PRRC2B: variants seen among roughly 807,000 people sequenced by gnomAD.
PRRC2B encodes proline rich coiled-coil 2B, also known as protein PRRC2B.
Under a neutral mutation model 242.3 loss-of-function variants are expected in PRRC2B, and 68 were observed. The ratio of observed to expected loss-of-function variants is 0.28; its 90% CI spans 0.23 to 0.34. The LOEUF (loss-of-function observed/expected upper bound fraction) is 0.34. Among genes scored for constraint, PRRC2B ranks in the 10% least tolerant of loss-of-function variants. PRRC2B has a pLI of 1.00. For missense variants in PRRC2B, 2,835 were observed against 2,954.8 expected, an observed-to-expected ratio of 0.96 and a Z score of 0.94; for synonymous variants, 1,228 against 1,173.6, an observed-to-expected ratio of 1.05 and a Z score of -0.95.
chr9:131,478,637 G>A lies in PRRC2B; in HGVS notation c.4758+18G>A. ...CCGTGCAGGTGAGGGGCGGAGGGTGGGGGGGCATGGGGCTGGAGGGCAGGC... is the reference window on the plus strand; with the variant it reads ...CCGTGCAGGTGAGGGGCGGAGGGTGAGGGGGCATGGGGCTGGAGGGCAGGC... On this transcript the variant is annotated intron_variant, in intron 18 of 31. Coordinates refer to ENST00000683519, the MANE Select transcript of PRRC2B (RefSeq NM_013318.4). 3 of 1,435,232 alleles carry A rather than the reference G, an allele frequency of 2.1e-6. No individual in the cohort carries two copies. Among genetic ancestry groups the A allele is most frequent in the Non-Finnish European group, 2.9e-6 (3 of 1,034,428 alleles). The allele number at this position is 1,435,232 out of a possible 1,614,324, so 88.9% of individuals were successfully genotyped here. A position where few individuals can be genotyped will look rare whatever the true frequency, so the allele number is the denominator to read the frequency against.
chr9:131,431,808 G>A (rs761283945), intron 2 of PRRC2B, among the ~76,000 whole-genome samples: 2 of 147,840 alleles, frequency 1.4e-5, no homozygotes, highest in East Asian at 2.0e-4. Context: ...GGATGGTCTC[G>A]ATCTCCTGAC....
intron 28 of PRRC2B, among the ~76,000 whole-genome samples, chr9:131,488,509 G>A (rs1406426002): frequency 6.6e-6 from 1 of 152,086 alleles, no homozygotes; most frequent in Non-Finnish European, 1.5e-5. Context: ...TGATCTGCCC[G>A]CCTTGGCCTC....
chr9:131,396,325 C>CTTTT (rs1165485887), intron 1 of PRRC2B, among the ~76,000 whole-genome samples: 31 of 132,958 alleles, frequency 2.3e-4, no homozygotes, highest in East Asian at 6.3e-4. Context: ...CTTTTCTTTT[C>CTTTT]TTTTTTTTTT....
chr9:131,408,295 T>C (rs575085300), intron 1 of PRRC2B, among the ~76,000 whole-genome samples: 1 of 152,330 alleles, frequency 6.6e-6, no homozygotes, highest in South Asian at 2.1e-4. Context: ...TTTGCAGAGA[T>C]GCCAGGTTGT....
In PRRC2B at chr9:131,497,241, G is replaced by A. The variant is rs754345662; in HGVS notation, c.*1367G>A. On this transcript the variant is annotated 3_prime_UTR_variant, in exon 32 of 32. Coordinates refer to ENST00000683519, the MANE Select transcript of PRRC2B (RefSeq NM_013318.4). ...TGAGGCTGGGTGGAGGGCTGACCAA[G>A]GTCCAAAGGGCCTGCGCAGCCTCCG... is the stretch of plus-strand genomic sequence containing the variant. 1 of 152,318 alleles carries A rather than the reference G, an allele frequency of 6.6e-6. No homozygotes were observed. The highest frequency in any genetic ancestry group is 1.5e-5 in the Non-Finnish European group (1 of 68,110). The allele number at this position is 152,318 out of a possible 1,614,324, so 9.4% of individuals were successfully genotyped here.
intron 3 of PRRC2B, among the ~76,000 whole-genome samples, chr9:131,435,408 A>G (rs1243112929): frequency 6.6e-6 from 1 of 152,164 alleles, no homozygotes; most frequent in Non-Finnish European, 1.5e-5. Flanking sequence ...TGAGGTCAGG[A>G]GTTCAAGACT....
intron 1 of PRRC2B, among the ~76,000 whole-genome samples, chr9:131,427,128 G>A (rs1837997817): frequency 1.3e-5 from 2 of 152,154 alleles, no homozygotes; most frequent in African/African-American, 4.8e-5. Flanking sequence ...TTCTTGATAC[G>A]AATTGCATGC....
At chr9:131,376,992 G>A (rs1348913991) in intron 1 of PRRC2B, among the ~76,000 whole-genome samples, 1 of 152,140 alleles carries the variant, frequency 6.6e-6, no homozygotes, top group Non-Finnish European at 1.5e-5. Flanking sequence ...GGGTGACACA[G>A]CAAGACCCGG....
At chr9:131,486,289 C>A in intron 26 of PRRC2B, 107 bp downstream of exon 26, 1 of 903,474 alleles carries the variant, frequency 1.1e-6, no homozygotes, top group South Asian at 1.6e-5. Context: ...GGTTTTCCAT[C>A]CCCCTCACAT....
chr9:131,488,666 T>C (rs1052204637), intron 28 of PRRC2B, among the ~76,000 whole-genome samples: 1 of 152,138 alleles, frequency 6.6e-6, no homozygotes, highest in Admixed American at 6.5e-5. Flanking sequence ...CCTTGTGCAG[T>C]AGGGTGTGGA....
In PRRC2B at chr9:131,447,812, G is replaced by A; in HGVS notation, c.1120+8G>A. 2 of 1,609,574 alleles carry A rather than the reference G, an allele frequency of 1.2e-6. No individual in the cohort carries two copies. The highest frequency in any genetic ancestry group is 2.2e-5 in the South Asian group (2 of 90,832). On this transcript the variant is annotated splice_region_variant and intron_variant, in intron 9 of 31. Transcript: ENST00000683519. ...CCGATGATGGCTGGGCAGGTGGGCA[G>A]AGAAGCACGGGTGGTTTAGACGGGC...
At chr9:131,495,269 G>T (rs1275325202) in intron 31 of PRRC2B, among the ~76,000 whole-genome samples, 2 of 152,138 alleles carry the variant, frequency 1.3e-5, no homozygotes, top group Admixed American at 1.3e-4. Context: ...TGGTGGGGGG[G>T]TTGGCTGAAT....
At chr9:131,436,833 C>G (rs761354341) in intron 4 of PRRC2B, 111 bp downstream of exon 4, 1 of 827,418 alleles carries the variant, frequency 1.2e-6, no homozygotes. Flanking sequence ...TGTGCATGAC[C>G]TGTCTATTCC....
intron 22 of PRRC2B, 145 bp from the exon 23 acceptor site, chr9:131,483,214 G>T: frequency 1.3e-6 from 1 of 795,292 alleles, no homozygotes; most frequent in Non-Finnish European, 2.1e-6. Context: ...GGAAAATCTG[G>T]CCATCTCGCT....
In PRRC2B at chr9:131,498,804, G is replaced by C. The variant is rs945263713; in HGVS notation, c.*2930G>C. On this transcript the variant is annotated 3_prime_UTR_variant, in exon 32 of 32. Transcript: ENST00000683519. Reference sequence around the variant, plus strand: ...CTCTGCCTTGGTCACTGGGGATGCGGCTCGTTGCTCAGCCACCAGTGGCCT... The same window carrying C: ...CTCTGCCTTGGTCACTGGGGATGCGCCTCGTTGCTCAGCCACCAGTGGCCT... 6.6e-6 allele frequency: 1 copy of C among 152,162 alleles called. No homozygotes were observed. The highest frequency in any genetic ancestry group is 2.4e-5 in the African/African-American group (1 of 41,442). The allele number at this position is 152,162 out of a possible 1,614,324, so 9.4% of individuals were successfully genotyped here.
chr9:131,425,592 A>C (rs1394217651), intron 1 of PRRC2B, among the ~76,000 whole-genome samples: 4 of 151,620 alleles, frequency 2.6e-5, no homozygotes, highest in Non-Finnish European at 5.9e-5. Flanking sequence ...GGTTCATGCC[A>C]TTCTCCTGCC....
chr9:131,402,932 G>A (rs1233534051), intron 1 of PRRC2B, among the ~76,000 whole-genome samples: 1 of 152,194 alleles, frequency 6.6e-6, no homozygotes, highest in Non-Finnish European at 1.5e-5. Context: ...GAATGACTGT[G>A]CCTCCGGGAA....
In PRRC2B at chr9:131,475,225, C is replaced by T; in HGVS notation, c.3096C>T (p.Ala1032=). The T allele has an allele frequency of 3.1e-6, 5 of 1,613,758 alleles. No individual in the cohort carries two copies. The highest frequency in any genetic ancestry group is 4.2e-6 in the Non-Finnish European group (5 of 1,179,870). ...EEEKPDKAWE[A]RPPRESSDVP... Reference sequence around the variant, plus strand: ...AGAAACCTGACAAGGCCTGGGAAGCCAGACCCCCACGAGAGTCCAGCGATG... The same window carrying T: ...AGAAACCTGACAAGGCCTGGGAAGCTAGACCCCCACGAGAGTCCAGCGATG... Residue 1032 remains alanine, a synonymous_variant, in exon 16 of 32, where the codon GCC becomes GCT. Coordinates refer to ENST00000683519, the MANE Select transcript of PRRC2B (RefSeq NM_013318.4).
At chr9:131,481,944 TG>T in intron 20 of PRRC2B, 136 bp downstream of exon 20, 2 of 790,074 alleles carry the variant, frequency 2.5e-6, no homozygotes, top group South Asian at 3.0e-5. Flanking sequence ...GTTGTTTCCA[TG>T]GGGCCAAGCT....
Sources: gnomAD v4.1 joint callset for allele counts (sites outside exome capture counted in the v4.1 genomes callset) on GRCh38, gnomAD v4.1.1 for gene constraint, MANE v1.5 for transcripts, NCBI Gene and HGNC (gene_info 2026-07-23, HGNC 2026-07-21) for gene names.